Variants in R3HDML observed in about 807,000 individuals in gnomAD.
The protein encoded by R3HDML is peptidase inhibitor R3HDML.
In R3HDML, 21 loss-of-function variants were observed where a neutral mutation model predicts 24.2. The ratio of observed to expected loss-of-function variants is 0.87; its 90% confidence interval spans 0.62 to 1.25. The LOEUF (loss-of-function observed/expected upper bound fraction) is 1.25. Among genes scored for constraint, R3HDML ranks in the 50% most tolerant of loss-of-function variants. The pLI is 0.00. For synonymous variants in R3HDML, 133 were observed against 131.5 expected (o/e 1.01, Z -0.08); for missense variants, 301 against 340.3 (o/e 0.88, Z 0.91).
At chr20:44,338,101 A>T (rs1229296056) in intron 1 of R3HDML, among the ~76,000 whole-genome samples, 1 of 152,050 alleles carries the variant, frequency 6.6e-6, no homozygotes, top group Non-Finnish European at 1.5e-5. Context: ...GAGGGCACCA[A>T]CCTTTTGCTT....
At chr20:44,347,013 G>A (rs56318001) in intron 4 of R3HDML, among the ~76,000 whole-genome samples, 59 of 152,106 alleles carry the variant, frequency 3.9e-4, no homozygotes, top group Admixed American at 2.6e-3. Flanking sequence ...ATGGTGGCGC[G>A]TGCCTGTAAT....
At position 44,341,182 on chromosome 20, in the gene R3HDML, C is replaced by G. The variant is rs757878294; in HGVS notation, c.262-14C>G. ...CAATTCCCCTGGGGAATTTCATTGC[C>G]TTTCTTTCCCCAGGTCTGGGACAAG... On this transcript the variant is annotated splice_polypyrimidine_tract_variant and intron_variant, in intron 1 of 4. Coordinates refer to ENST00000217043, the MANE Select transcript of R3HDML (RefSeq NM_178491.4). 6 of 1,598,778 alleles carry G rather than the reference C, an allele frequency of 3.8e-6. No homozygotes were observed. The African/African-American group carries it at 8.0e-5, about 21-fold the overall frequency.
At chr20:44,339,837 G>A (rs531920583) in intron 1 of R3HDML, among the ~76,000 whole-genome samples, 1 of 152,126 alleles carries the variant, frequency 6.6e-6, no homozygotes, top group African/African-American at 2.4e-5. Flanking sequence ...GGAGTGCAGT[G>A]GCACGATCTC....
rs1864308664 is a variant in R3HDML, at chr20:44,337,271, C to T, written c.114C>T (p.Ser38=). 17 of 1,614,188 alleles carry T rather than the reference C, an allele frequency of 1.1e-5. No individual in the cohort carries two copies. The highest frequency in any genetic ancestry group is 1.4e-5 in the Non-Finnish European group (17 of 1,180,050). ...NATPAPAQPE[S]TAMRLLSGLE... ...CCCCAGCCCCGGCCCAGCCCGAGAG[C>T]ACGGCTATGCGGCTCCTGAGTGGCC... is the stretch of plus-strand genomic sequence containing the variant. Residue 38 remains serine (S), a synonymous_variant, in exon 1 of 5, where the codon AGC becomes AGT. Coordinates refer to ENST00000217043, the MANE Select transcript of R3HDML (RefSeq NM_178491.4). This position sits in a 1 kb window ranked among gnomAD's most constrained non-coding sequence, Gnocchi z 4.7.
At position 44,337,172 on chromosome 20, in the gene R3HDML, C is replaced by A; in HGVS notation, c.15C>A (p.Pro5=). The A allele has an allele frequency of 1.2e-6, 2 of 1,613,206 alleles. No individual in the cohort carries two copies. Among genetic ancestry groups the A allele is most frequent in the South Asian group, 1.1e-5 (1 of 91,018 alleles). ...TCCATCCAGCTATGCCCCTGCTGCC[C>A]AGCACCGTGGGCCTGGCAGGCCTGC... MPLL[P]STVGLAGLLF... is the part of the protein sequence containing the mutation. Residue 5 remains proline, a synonymous_variant, in exon 1 of 5, where the codon CCC becomes CCA. Transcript: ENST00000217043. The surrounding 1 kb of genome is among the most constrained non-coding windows in gnomAD (Gnocchi z 4.7).
intron 4 of R3HDML, among the ~76,000 whole-genome samples, chr20:44,349,017 G>T (rs951944826): frequency 1.3e-5 from 2 of 151,976 alleles, no homozygotes; most frequent in African/African-American, 4.8e-5. Context: ...CGGGCATGGA[G>T]GTGCGTCCCT....
At chr20:44,339,893 C>T (rs112379759) in intron 1 of R3HDML, among the ~76,000 whole-genome samples, 2,421 of 152,198 alleles carry the variant, frequency 0.016, 59 homozygotes, top group African/African-American at 0.056. Context: ...ATTCTCGTGC[C>T]TCAGCCTCCC....
Position 44,345,324 on chromosome 20 carries a change from T to G in R3HDML, c.575T>G (p.Val192Gly), listed in dbSNP as rs544966671. Residue 192 changes from valine to glycine, a missense_variant, in exon 4 of 5, where the codon GTC becomes GGC. Coordinates refer to ENST00000217043, the MANE Select transcript of R3HDML (RefSeq NM_178491.4). ...CAIHTCSSIS[V>G]WGNTWHRAAY... ...ATCCACACCTGTAGTAGCATCAGTG[T>G]CTGGGGCAACACCTGGCATCGGGCG... 5.6e-6 allele frequency: 9 copies of G among 1,614,122 alleles called. No homozygotes were observed. In the East Asian group the frequency reaches 2.0e-4, roughly 36 times the overall value.
chr20:44,348,815 C>T (rs1277293813), intron 4 of R3HDML, among the ~76,000 whole-genome samples: 1 of 152,060 alleles, frequency 6.6e-6, no homozygotes, highest in African/African-American at 2.4e-5. Flanking sequence ...AGCCCAGCCC[C>T]TTTAAGGTAA....
intron 3 of R3HDML, 75 bp downstream of exon 3, chr20:44,343,584 C>A: frequency 7.0e-7 from 1 of 1,426,416 alleles, no homozygotes; most frequent in Non-Finnish European, 9.4e-7. Flanking sequence ...ATGTGTGGAG[C>A]AGAAATAAGA....
chr20:44,338,232 C>T (rs2062762941), intron 1 of R3HDML, among the ~76,000 whole-genome samples: 1 of 152,044 alleles, frequency 6.6e-6, no homozygotes, highest in South Asian at 2.1e-4. Context: ...CAACACATGC[C>T]ACTCGATAGC....
chr20:44,350,955 G>T lies in R3HDML; in HGVS notation c.*163G>T, dbSNP rs1373288780. The T allele has an allele frequency of 1.4e-6, 1 of 725,546 alleles. No individual in the cohort carries two copies. The highest frequency in any genetic ancestry group is 3.0e-5 in the East Asian group (1 of 33,408). The allele number at this position is 725,546 out of a possible 1,614,324, so 44.9% of individuals were successfully genotyped here. A position where few individuals can be genotyped will look rare whatever the true frequency, so the allele number is the denominator to read the frequency against. ...TCCCCTTCTTAAATGTCCAACATGG[G>T]TCAAAAGAAAATGACCTCCTTGCCT... On this transcript the variant is annotated 3_prime_UTR_variant, in exon 5 of 5. Transcript: ENST00000217043.
chr20:44,343,671 AG>A lies in R3HDML; in HGVS notation c.513+164del, dbSNP rs566032581. 4.3e-3 allele frequency among the ~76,000 whole-genome samples: 651 copies of A among 152,224 alleles called. 3 individuals carry two copies. The highest frequency in any genetic ancestry group is 6.2e-3 in the Non-Finnish European group (422 of 68,018). ...GGAAAGTTGTGTGCACAATGAATTG[AG>A]GTGAATCTTTTTTGTTTTTGTTTTT... is the stretch of plus-strand genomic sequence containing the variant. On this transcript the variant is annotated intron_variant, in intron 3 of 4. Coordinates refer to ENST00000217043, the MANE Select transcript of R3HDML (RefSeq NM_178491.4).
At chr20:44,344,313 A>G (rs1422839872) in intron 3 of R3HDML, among the ~76,000 whole-genome samples, 1 of 151,002 alleles carries the variant, frequency 6.6e-6, no homozygotes, top group Non-Finnish European at 1.5e-5. Context: ...TTGGTGGTGC[A>G]CACCTTTAGT....
Position 44,350,804 on chromosome 20 carries a change from G to A in R3HDML, c.*12G>A, listed in dbSNP as rs11699154. On this transcript the variant is annotated 3_prime_UTR_variant, in exon 5 of 5. Transcript: ENST00000217043. Reference sequence around the variant, plus strand: ...TCACGTGGTTCTGAATTTTCTCTGGGCTTTGGTGCGCCTCCAGCTGGGCCT... The same window carrying A: ...TCACGTGGTTCTGAATTTTCTCTGGACTTTGGTGCGCCTCCAGCTGGGCCT... 203,221 of 1,613,230 alleles carry A rather than the reference G, an allele frequency of 0.13. 14,183 individuals carry two copies. Among genetic ancestry groups the A allele is most frequent in the Middle Eastern group, 0.14 (874 of 6,058 alleles).
chr20:44,345,236 GC>G, intron 3 of R3HDML, 26 bp from the exon 4 acceptor site: 6 of 1,591,052 alleles, frequency 3.8e-6, no homozygotes, highest in Non-Finnish European at 5.2e-6. Flanking sequence ...CCTTCTCATA[GC>G]CCCCTCTGTC....
chr20:44,348,487 T>C (rs887214376), intron 4 of R3HDML, among the ~76,000 whole-genome samples: 9 of 34,528 alleles, frequency 2.6e-4, no homozygotes, highest in African/African-American at 1.0e-3. Context: ...CCTTTCTCCT[T>C]TCCTTTCCTT....
intron 1 of R3HDML, among the ~76,000 whole-genome samples, chr20:44,340,918 T>C (rs1177161275): frequency 6.6e-6 from 1 of 152,264 alleles, no homozygotes; most frequent in African/African-American, 2.4e-5. Flanking sequence ...TAGGGACTGC[T>C]GAGAACTCCT....
rs773917659 is a variant in R3HDML, at chr20:44,343,357, C to T, written c.381-20C>T. On this transcript the variant is annotated intron_variant, in intron 2 of 4. Coordinates refer to ENST00000217043, the MANE Select transcript of R3HDML (RefSeq NM_178491.4). ...TTCCATCCTCTCACCCAGCTTCTTCCGTGTCCCCCGCCTCCCCAGGTACCG... is the reference window on the plus strand; with the variant it reads ...TTCCATCCTCTCACCCAGCTTCTTCTGTGTCCCCCGCCTCCCCAGGTACCG... 1.7e-5 allele frequency: 27 copies of T among 1,607,048 alleles called. No individual in the cohort carries two copies. Among genetic ancestry groups the T allele is most frequent in the Middle Eastern group, 1.6e-4 (1 of 6,066 alleles).
Sources: allele counts gnomAD v4.1 joint callset (sites outside exome capture counted in the v4.1 genomes callset), GRCh38; gene constraint gnomAD v4.1.1; non-coding constraint Gnocchi (gnomAD v3.1); transcripts MANE v1.5; gene names NCBI Gene and HGNC (gene_info 2026-07-23, HGNC 2026-07-21).